RRP1B: variants seen among roughly 807,000 people sequenced by gnomAD.
The protein encoded by RRP1B is ribosomal RNA processing 1B, also known as ribosomal RNA processing protein 1 homolog B.
In RRP1B, 56 loss-of-function variants were observed where a neutral mutation model predicts 80.2. That is an observed-to-expected ratio of 0.70 (90% CI 0.56 to 0.87). The LOEUF is 0.87. RRP1B is among the 40% of genes least tolerant of loss of function. The pLI, the probability that RRP1B is intolerant of heterozygous loss-of-function variation, is 0.00. For missense variants in RRP1B, 807 were observed against 939.8 expected (o/e 0.86, Z 1.85); for synonymous variants, 351 against 357.6 (o/e 0.98, Z 0.21).
intron 2 of RRP1B, 43 bp downstream of exon 2, chr21:43,670,009 G>A (rs370884695): frequency 1.4e-6 from 2 of 1,414,440 alleles, no homozygotes; most frequent in East Asian, 2.3e-5. Context: ...TTCTTGCTGT[G>A]GATGGATAAG....
chr21:43,675,183 C>T lies in RRP1B; in HGVS notation c.549+20C>T, dbSNP rs748306252. 6.2e-7 allele frequency: 1 copy of T among 1,611,786 alleles called. No individual in the cohort carries two copies. Among genetic ancestry groups the T allele is most frequent in the African/African-American group, 1.3e-5 (1 of 74,896 alleles). ...AAGGAGGTAAGCAGCTGCCGACAGG[C>T]TGCCCACGGGGTGAGGGGGCCGCCA... On this transcript the variant is annotated intron_variant, in intron 6 of 15. Transcript: ENST00000340648.
chr21:43,672,491 A>G, intron 3 of RRP1B, 126 bp downstream of exon 3: 1 of 800,840 alleles, frequency 1.2e-6, no homozygotes, highest in South Asian at 1.6e-5. Context: ...GCTGTGATAA[A>G]CTTAGTCATT....
chr21:43,671,841 A>G (rs2083000651), intron 2 of RRP1B, among the ~76,000 whole-genome samples: 2 of 151,894 alleles, frequency 1.3e-5, no homozygotes, highest in African/African-American at 2.4e-5. Flanking sequence ...ACACGCCACC[A>G]CGCCTGACTA....
chr21:43,664,920 T>G (rs1056583239), intron 1 of RRP1B, among the ~76,000 whole-genome samples: 1 of 144,634 alleles, frequency 6.9e-6, no homozygotes, highest in Non-Finnish European at 1.5e-5. Context: ...TCCCCGTGAT[T>G]CAGTTACCTC....
At chr21:43,687,024 G>A (rs1237980098) in intron 12 of RRP1B, 89 bp downstream of exon 12, 38 of 1,399,516 alleles carry the variant, frequency 2.7e-5, no homozygotes, top group Middle Eastern at 3.7e-4. Flanking sequence ...AGCTCGTGCC[G>A]TCATAAAGCA....
chr21:43,663,242 C>T (rs140069222), intron 1 of RRP1B, among the ~76,000 whole-genome samples: 1,649 of 152,254 alleles, frequency 0.011, 21 homozygotes, highest in African/African-American at 0.037. Flanking sequence ...ACATGTCTCA[C>T]TTTGATGTTT....
Position 43,690,433 on chromosome 21 carries a change from C to A in RRP1B, c.2012C>A (p.Ala671Asp), listed in dbSNP as rs963659038. 6 of 1,613,806 alleles carry A rather than the reference C, an allele frequency of 3.7e-6. No homozygotes were observed. The highest frequency in any genetic ancestry group is 1.1e-5 in the South Asian group (1 of 91,044). Residue 671 changes from alanine (A) to aspartate (D), a missense_variant, in exon 14 of 16, where the codon GCC becomes GAC. Transcript: ENST00000340648. ...SSTATHPPGP[A>D]VQLNKTPSSS... ...ACTGCCACCCACCCTCCAGGCCCTG[C>A]CGTCCAGGTACGCACCCTCCCCAGA... is the stretch of plus-strand genomic sequence containing the variant.
chr21:43,672,409 T>G, intron 3 of RRP1B, 44 bp downstream of exon 3: 1 of 1,540,722 alleles, frequency 6.5e-7, no homozygotes, highest in Non-Finnish European at 9.0e-7. Context: ...GTTTTCCGAC[T>G]TGCTAGTTTA....
intron 6 of RRP1B, 34 bp downstream of exon 6, chr21:43,675,197 A>T: frequency 6.2e-7 from 1 of 1,607,618 alleles, no homozygotes; most frequent in Non-Finnish European, 8.5e-7. Context: ...CCACGGGGTG[A>T]GGGGGCCGCC....
intron 8 of RRP1B, among the ~76,000 whole-genome samples, chr21:43,681,301 TA>T: frequency 6.9e-6 from 1 of 144,166 alleles, no homozygotes; most frequent in Non-Finnish European, 1.5e-5. Context: ...GATAGATAGA[TA>T]GAATCAAGAA....
intron 1 of RRP1B, among the ~76,000 whole-genome samples, chr21:43,661,704 A>ATTTGTTTG (rs1179665302): frequency 6.6e-6 from 1 of 152,144 alleles, no homozygotes; most frequent in Non-Finnish European, 1.5e-5. Flanking sequence ...CCACATCACC[A>ATTTGTTTG]ATATTTTTTG....
At position 43,659,842 on chromosome 21, in the gene RRP1B, C is replaced by CGGGGCT. The variant is rs990104373; in HGVS notation, c.130+55_130+60dup. 11 of 1,472,726 alleles carry CGGGGCT rather than the reference C, an allele frequency of 7.5e-6. No homozygotes were observed. The highest frequency in any genetic ancestry group is 4.5e-5 in the Admixed American group (2 of 43,972). 91.2% of individuals were successfully genotyped at this position (1,472,726 alleles called of 1,614,324 possible). ...CCGCGCCACATGGCGGGCCGGGGGC[C>CGGGGCT]GGGGCTGGGGCTAGGGCCAGGGCCC... is the stretch of plus-strand genomic sequence containing the variant. On this transcript the variant is annotated intron_variant, in intron 1 of 15. Coordinates refer to ENST00000340648, the MANE Select transcript of RRP1B (RefSeq NM_015056.3). The surrounding 1 kb of genome is among the most constrained non-coding windows in gnomAD (Gnocchi z 4.2).
Position 43,695,665 on chromosome 21 carries a change from G to A in RRP1B, c.*2282G>A, listed in dbSNP as rs528332952. The A allele has an allele frequency of 6.6e-5, 10 of 152,266 alleles. No homozygotes were observed. The South Asian group carries it at 8.3e-4, about 13-fold the overall frequency. The allele number at this position is 152,266 out of a possible 1,614,324, so 9.4% of individuals were successfully genotyped here. A position where few individuals can be genotyped will look rare whatever the true frequency, so the allele number is the denominator to read the frequency against. On this transcript the variant is annotated 3_prime_UTR_variant, in exon 16 of 16. Transcript: ENST00000340648. ...TTTAGAATACTGGTTTTCTATTTAC[G>A]CATGATATTTTCCTAAGTAAAATTG...
intron 3 of RRP1B, among the ~76,000 whole-genome samples, chr21:43,672,922 CAT>C (rs2083005551): frequency 1.3e-5 from 2 of 152,088 alleles, no homozygotes; most frequent in African/African-American, 2.4e-5. Context: ...TTAGCTGACT[CAT>C]ATTGAACAAA....
rs763369520 is a variant in RRP1B at position 43,688,008 on chromosome 21, T to C, written c.1634T>C (p.Leu545Ser). 3 of 1,612,452 alleles carry C rather than the reference T, an allele frequency of 1.9e-6. No homozygotes were observed. The highest frequency in any genetic ancestry group is 2.5e-6 in the Non-Finnish European group (3 of 1,179,522). ...CTGTCCACGCCGGCCTGGCCTCCAT[T>C]GCAGCAGGAAGGCCCTCCCACAGGC... ...SGLSTPAWPP[L>S]QQEGPPTGPA... Residue 545 changes from leucine to serine, a missense_variant, in exon 13 of 16, where the codon TTG becomes TCG. Transcript: ENST00000340648.
At chr21:43,690,232 C>T in intron 13 of RRP1B, 56 bp from the exon 14 acceptor site, 3 of 1,593,268 alleles carry the variant, frequency 1.9e-6, no homozygotes, top group Non-Finnish European at 2.6e-6. Flanking sequence ...GTGTGGGCAG[C>T]ACAGGAGGCT....
chr21:43,684,228 C>T (rs1416902588), intron 9 of RRP1B, among the ~76,000 whole-genome samples: 5 of 151,786 alleles, frequency 3.3e-5, no homozygotes, highest in South Asian at 2.1e-4. Flanking sequence ...CCCGCCATCA[C>T]GCCCGGCTAA....
rs1287315987 is a variant in RRP1B, at chr21:43,694,255, C to T, written c.*872C>T. ...GCCTGACCGGCTCCATGGCAGCTCC[C>T]CATCTTCCCTAGAGGCTGCCTGCGC... On this transcript the variant is annotated 3_prime_UTR_variant, in exon 16 of 16. Coordinates refer to ENST00000340648, the MANE Select transcript of RRP1B (RefSeq NM_015056.3). 1 of 152,322 alleles carries T rather than the reference C, an allele frequency of 6.6e-6. No individual in the cohort carries two copies. The highest frequency in any genetic ancestry group is 2.4e-5 in the African/African-American group (1 of 41,482). The allele number at this position is 152,322 out of a possible 1,614,324, so 9.4% of individuals were successfully genotyped here.
At chr21:43,667,041 GT>G (rs10712490) in intron 1 of RRP1B, among the ~76,000 whole-genome samples, 103,063 of 149,690 alleles carry the variant, frequency 0.69, 35,792 homozygotes, top group East Asian at 0.81. Flanking sequence ...ACAGTTGGGT[GT>G]TTTTTTTTTT....
Sources: gnomAD v4.1 joint callset for allele counts (sites outside exome capture counted in the v4.1 genomes callset) on GRCh38, gnomAD v4.1.1 for gene constraint, Gnocchi (gnomAD v3.1) non-coding constraint, MANE v1.5 for transcripts, NCBI Gene and HGNC (gene_info 2026-07-23, HGNC 2026-07-21) for gene names.